The following MYH7 variants were observed in gnomAD, a reference collection of about 807,000 sequenced individuals.
The protein encoded by MYH7 is myosin-7.
A neutral mutation model predicts 225.4 loss-of-function variants in MYH7; 129 were observed. That is an observed-to-expected ratio of 0.57 (90% CI 0.50 to 0.66). The LOEUF (loss-of-function observed/expected upper bound fraction) is 0.66, where lower values mean the gene tolerates loss of function less well. Ranked by LOEUF, MYH7 falls within the 30% of genes least tolerant of loss-of-function variation. The pLI is 0.00. For synonymous variants in MYH7, 971 were observed against 1,007.6 expected (o/e 0.96, Z 0.69); for missense variants, 1,649 against 2,517.0 (o/e 0.66, Z 7.38).
chr14:23,425,492 A>C lies in MYH7; in HGVS notation c.2287-74T>G. 6.2e-7 allele frequency: 1 copy of C among 1,609,880 alleles called. No individual in the cohort carries two copies. The highest frequency in any genetic ancestry group is 8.5e-7 in the Non-Finnish European group (1 of 1,178,278). On this transcript the variant is annotated intron_variant, in intron 20 of 39. Transcript: ENST00000355349. This position sits in a 1 kb window ranked among gnomAD's most constrained non-coding sequence, Gnocchi z 4.6. ...AAGAGATGGTGGGGATTACCTTAGGAAGGGTAACAGCCTAGAAAAGGATTG... is the reference window on the plus strand; with the variant it reads ...AAGAGATGGTGGGGATTACCTTAGGCAGGGTAACAGCCTAGAAAAGGATTG...
At position 23,416,993 on chromosome 14, in the gene MYH7, C is replaced by T; in HGVS notation, c.4520-1G>A. ...TGCTCAGTCAAGTCGGAGATCTCCT[C>T]TGTGTGGGGAACACGGTAACTCGGT... On this transcript the variant is annotated splice_acceptor_variant, in intron 32 of 39. Coordinates refer to ENST00000355349, the MANE Select transcript of MYH7 (RefSeq NM_000257.4). LOFTEE classifies it high-confidence loss of function. The T allele has an allele frequency of 6.2e-7, 1 of 1,614,236 alleles. No individual in the cohort carries two copies.
chr14:23,433,792 C>T lies in MYH7; in HGVS notation c.-8-52G>A. 1.3e-6 allele frequency: 2 copies of T among 1,571,656 alleles called. No homozygotes were observed. Among genetic ancestry groups the T allele is most frequent in the Non-Finnish European group, 1.7e-6 (2 of 1,147,558 alleles). ...TCCCATCTGCCCATTCTTCCCTTCC[C>T]TCCCTGGGCTCTCCCCTTCAGTGGG... On this transcript the variant is annotated intron_variant, in intron 2 of 39. Transcript: ENST00000355349. The surrounding 1 kb of genome is among the most constrained non-coding windows in gnomAD (Gnocchi z 4.1).
intron 23 of MYH7, 69 bp downstream of exon 23, chr14:23,423,837 TG>T: frequency 6.2e-7 from 1 of 1,613,560 alleles, no homozygotes; most frequent in Non-Finnish European, 8.5e-7. Context: ...GTGGCTAGCC[TG>T]GGTCAAGGTC....
Position 23,417,168 on chromosome 14 carries a change from T to A in MYH7, c.4504A>T (p.Asn1502Tyr), listed in dbSNP as rs1892250316. 2 of 1,613,978 alleles carry A rather than the reference T, an allele frequency of 1.2e-6. No individual in the cohort carries two copies. The highest frequency in any genetic ancestry group is 1.7e-6 in the Non-Finnish European group (2 of 1,180,016). The change falls in exon 32 of 40, where the codon AAC becomes TAC. Residue 1502 changes from asparagine (N) to tyrosine (Y), a missense_variant. Asn to Tyr is a moderately radical substitution (Grantham distance 143). This residue lies in a region of MYH7 where 687 missense variants were observed against 913.8 expected (regional missense o/e 0.75). Transcript: ENST00000355349. ...CCCAGCACACCCTGCAGGTTTTTGT[T>A]CTCCCGCTTGAAGGTCTCCAGATGT... is the stretch of plus-strand genomic sequence containing the variant. ...LEHLETFKRE[N>Y]KNLQEEISDL... is the part of the protein sequence containing the mutation.
chr14:23,428,478 G>A (rs746618798), intron 15 of MYH7, 22 bp downstream of exon 15: 2 of 1,614,150 alleles, frequency 1.2e-6, no homozygotes, highest in Non-Finnish European at 1.7e-6. Flanking sequence ...GGAGAATTCA[G>A]GTGGTAAGGC....
chr14:23,413,351 A>G (rs7145543), intron 39 of MYH7, among the ~76,000 whole-genome samples: 64,280 of 151,966 alleles, frequency 0.42, 15,783 homozygotes, highest in African/African-American at 0.68. Flanking sequence ...GGCTGAGGCG[A>G]GTGGATCACA....
At position 23,423,664 on chromosome 14, in the gene MYH7, C is replaced by G. The variant is rs762554117; in HGVS notation, c.2982G>C (p.Lys994Asn). 6.2e-7 allele frequency: 1 copy of G among 1,614,106 alleles called. No individual in the cohort carries two copies. Among genetic ancestry groups the G allele is most frequent in the Non-Finnish European group, 8.5e-7 (1 of 1,180,022 alleles). Residue 994 changes from lysine to asparagine, a missense_variant, in exon 24 of 40, where the codon AAG becomes AAC. Transcript: ENST00000355349. The part of the protein sequence containing the change: ...GLDEIIAKLT[K>N]EKKALQEAHQ... Reference sequence around the variant, plus strand: ...GGGCCTCTTGCAGAGCTTTCTTCTCCTTGGTCAGCTTGGCAATGATCTCAT... The same window carrying G: ...GGGCCTCTTGCAGAGCTTTCTTCTCGTTGGTCAGCTTGGCAATGATCTCAT...
chr14:23,434,432 G>T, intron 1 of MYH7, 183 bp from the exon 2 acceptor site: 1 of 212,244 alleles, frequency 4.7e-6, no homozygotes, highest in East Asian at 1.8e-4. Context: ...TTTTCCTCAA[G>T]AACTAGTTCT....
rs1026329862 is a variant in MYH7, at chr14:23,415,617, G to A, written c.5157+12C>T. The A allele has an allele frequency of 2.5e-6, 4 of 1,613,594 alleles. No homozygotes were observed. Among genetic ancestry groups the A allele is most frequent in the Non-Finnish European group, 3.4e-6 (4 of 1,180,002 alleles). ...TGTGCTCCCTTCAGGAATGAGCAGG[G>A]GAGCTGCTCACCTGGGAATGCAGCA... On this transcript the variant is annotated intron_variant, in intron 35 of 39. Transcript: ENST00000355349. The surrounding 1 kb of genome is among the most constrained non-coding windows in gnomAD (Gnocchi z 6.3).
At chr14:23,429,463 G>T in intron 12 of MYH7, 116 bp from the exon 13 acceptor site, 1 of 1,101,158 alleles carries the variant, frequency 9.1e-7, no homozygotes, top group Non-Finnish European at 1.4e-6. Flanking sequence ...ATCACTTGAG[G>T]TCAGGAGTTT....
chr14:23,425,616 T>C lies in MYH7; in HGVS notation c.2286+79A>G. The C allele has an allele frequency of 6.2e-7, 1 of 1,609,876 alleles. No homozygotes were observed. The highest frequency in any genetic ancestry group is 1.1e-5 in the South Asian group (1 of 90,858). On this transcript the variant is annotated intron_variant, in intron 20 of 39. Transcript: ENST00000355349. This position sits in a 1 kb window ranked among gnomAD's most constrained non-coding sequence, Gnocchi z 4.6. Reference sequence around the variant, plus strand: ...ATACAGGTAAGAGATTTTGCTAAGATGATTACAACAGGAAAAGCATCAGAG... The same window carrying C: ...ATACAGGTAAGAGATTTTGCTAAGACGATTACAACAGGAAAAGCATCAGAG...
Position 23,431,463 on chromosome 14 carries a change from G to A in MYH7, c.751C>T (p.His251Tyr), listed in dbSNP as rs775551367. The A allele has an allele frequency of 1.2e-6, 2 of 1,614,174 alleles. No individual in the cohort carries two copies. Among genetic ancestry groups the A allele is most frequent in the South Asian group, 2.2e-5 (2 of 91,082 alleles). The change falls in exon 9 of 40, where the codon CAT becomes TAT. Residue 251 changes from histidine to tyrosine, a missense_variant. Around this residue, in one of 12 missense-constraint regions of MYH7, gnomAD observed 131 missense variants for 231.3 expected, o/e 0.57. Transcript: ENST00000355349. ...GCCAACTTTCCTGTTGCCCCAAAATGAATTCGAATGAATTTCCCCTGGAGA... is the reference window on the plus strand; with the variant it reads ...GCCAACTTTCCTGTTGCCCCAAAATAAATTCGAATGAATTTCCCCTGGAGA... ...SSRFGKFIRIHFGATGKLASA... is the reference protein window; with the variant it reads ...SSRFGKFIRIYFGATGKLASA...
At position 23,415,595 on chromosome 14, in the gene MYH7, G is replaced by T. The variant is rs1892162205; in HGVS notation, c.5157+34C>A. The stretch of plus-strand genomic sequence containing the variant: ...CCTTGCTTGCTGAGCCCCAGCCTGT[G>T]CTCCCTTCAGGAATGAGCAGGGGAG... On this transcript the variant is annotated intron_variant, in intron 35 of 39. Transcript: ENST00000355349. This position sits in a 1 kb window ranked among gnomAD's most constrained non-coding sequence, Gnocchi z 6.3. 4 of 1,613,598 alleles carry T rather than the reference G, an allele frequency of 2.5e-6. No individual in the cohort carries two copies. The highest frequency in any genetic ancestry group is 3.4e-6 in the Non-Finnish European group (4 of 1,180,004).
Position 23,419,522 on chromosome 14 carries a change from C to T in MYH7, c.3814G>A (p.Asp1272Asn), listed in dbSNP as rs730880906. 26 of 1,613,952 alleles carry T rather than the reference C, an allele frequency of 1.6e-5. No individual in the cohort carries two copies. The Admixed American group carries it at 3.2e-4, about 20-fold the overall frequency. Residue 1272 changes from aspartate to asparagine, a missense_variant, in exon 28 of 40, where the codon GAC becomes AAC. By Grantham distance (23) the Asp-to-Asn change is conservative. Around this residue, in one of 12 missense-constraint regions of MYH7, gnomAD observed 687 missense variants for 913.8 expected, o/e 0.75. Coordinates refer to ENST00000355349, the MANE Select transcript of MYH7 (RefSeq NM_000257.4). ...AACTTGGCCCGCTGGCTGGTGAGGT[C>T]GTTGACAGAACGCTGGGTCTCCTCC... ...KAEETQRSVN[D>N]LTSQRAKLQT... is the part of the protein sequence containing the mutation.
chr14:23,430,377 G>A (rs1179919858), intron 11 of MYH7, among the ~76,000 whole-genome samples, 183 bp downstream of exon 11: 1 of 152,074 alleles, frequency 6.6e-6, no homozygotes, highest in Non-Finnish European at 1.5e-5. Context: ...ACCAGATACT[G>A]GCCAGTCCTG....
chr14:23,435,103 A>C (rs1726343749), intron 1 of MYH7, among the ~76,000 whole-genome samples: 1 of 152,110 alleles, frequency 6.6e-6, no homozygotes, highest in South Asian at 2.1e-4. Context: ...GGGTACAGAT[A>C]CTATAACAGT....
intron 12 of MYH7, 97 bp downstream of exon 12, chr14:23,429,675 CAAA>C (rs58343268): frequency 8.2e-3 from 10,241 of 1,247,118 alleles, no homozygotes; most frequent in Middle Eastern, 8.8e-3. Context: ...GACTCCATCT[CAAA>C]AAAAAAAAAA....
Position 23,433,553 on chromosome 14 carries a change from A to G in MYH7, c.180T>C (p.Thr60=). ...CCACCTTGCCATACTCGGTCTCGGC[A>G]GTGACTTTGCCACCCTCTCGAGACA... ...KIVSREGGKV[T]AETEYGKTVT... Residue 60 remains threonine (T), a synonymous_variant, in exon 3 of 40, where the codon ACT becomes ACC. Coordinates refer to ENST00000355349, the MANE Select transcript of MYH7 (RefSeq NM_000257.4). The surrounding 1 kb of genome is among the most constrained non-coding windows in gnomAD (Gnocchi z 4.1). 6.2e-7 allele frequency: 1 copy of G among 1,614,162 alleles called. No individual in the cohort carries two copies. Among genetic ancestry groups the G allele is most frequent in the Non-Finnish European group, 8.5e-7 (1 of 1,180,022 alleles).
chr14:23,420,847 G>A (rs776155950), intron 26 of MYH7, 111 bp downstream of exon 26: 10 of 825,854 alleles, frequency 1.2e-5, no homozygotes, highest in Non-Finnish European at 1.9e-5. Context: ...TGCCTCCATG[G>A]ACACATAATC....
Sources: allele counts gnomAD v4.1 joint callset (sites outside exome capture counted in the v4.1 genomes callset), GRCh38; gene constraint gnomAD v4.1.1; regional missense constraint gnomAD v4.1.1; non-coding constraint Gnocchi (gnomAD v3.1); transcripts MANE v1.5; gene names NCBI Gene and HGNC (gene_info 2026-07-23, HGNC 2026-07-21).